The following SEC14L2 variants were observed in gnomAD, a reference collection of about 807,000 sequenced individuals.
The protein encoded by SEC14L2 is SEC14 like lipid binding 2.
In SEC14L2, 50 loss-of-function variants were observed where a neutral mutation model predicts 56.9. That is an observed-to-expected ratio of 0.88 (90% CI 0.70 to 1.11). The LOEUF is 1.11. Ranked by LOEUF, SEC14L2 falls within the 50% of genes most tolerant of loss-of-function variation. SEC14L2 has a pLI of 0.00. For missense variants in SEC14L2, 414 were observed against 500.7 expected (o/e 0.83, Z 1.65); for synonymous variants, 179 against 188.5 (o/e 0.95, Z 0.41).
At chr22:30,399,068 C>T (rs994805587) in intron 1 of SEC14L2, among the ~76,000 whole-genome samples, 4 of 152,136 alleles carry the variant, frequency 2.6e-5, no homozygotes, top group African/African-American at 4.8e-5. Flanking sequence ...TCTGCCTGCC[C>T]GCAGACTGGT....
chr22:30,410,838 T>G (rs1601780233), intron 8 of SEC14L2, among the ~76,000 whole-genome samples, 159 bp downstream of exon 8: 1 of 152,210 alleles, frequency 6.6e-6, no homozygotes, highest in East Asian at 1.9e-4. Flanking sequence ...TAGTGCCTTC[T>G]TCTGTTTTCC....
intron 8 of SEC14L2, among the ~76,000 whole-genome samples, chr22:30,413,397 A>C (rs1934304941): frequency 6.6e-6 from 1 of 152,164 alleles, no homozygotes; most frequent in South Asian, 2.1e-4. Context: ...GTTTTGCTGA[A>C]GTGGAGTGGA....
Position 30,415,471 on chromosome 22 carries a change from T to G in SEC14L2, c.665-288T>G, listed in dbSNP as rs533827378. 3.3e-5 allele frequency among the ~76,000 whole-genome samples: 5 copies of G among 152,196 alleles called. No individual in the cohort carries two copies. The East Asian group carries it at 9.7e-4, about 29-fold the overall frequency. ...TTCTCAAGTACTTAGTTCATTTCACTCCCACCATAACCAGGCAGGGCAAGA... is the reference window on the plus strand; with the variant it reads ...TTCTCAAGTACTTAGTTCATTTCACGCCCACCATAACCAGGCAGGGCAAGA... On this transcript the variant is annotated intron_variant, in intron 8 of 11. Transcript: ENST00000615189.
At chr22:30,404,013 AAAAAAAAAAAAAAAAAG>A (rs1158324946) in intron 2 of SEC14L2, among the ~76,000 whole-genome samples, 3 of 129,166 alleles carry the variant, frequency 2.3e-5, no homozygotes, top group Non-Finnish European at 4.9e-5. Context: ...CCGTCTCAAA[AAAAAAAAAAAAAAAAAG>A]AAAAAAAAAA....
At chr22:30,398,523 T>A (rs555462141) in intron 1 of SEC14L2, 2 of 364,696 alleles carry the variant, frequency 5.5e-6, no homozygotes, top group African/African-American at 4.2e-5. Flanking sequence ...GAGTGAGAGG[T>A]TGGAGGTAGG....
rs770995975 is a variant in SEC14L2 at position 30,422,338 on chromosome 22, G to A, written c.1143G>A (p.Val381=). The part of the protein sequence containing the change: ...FIHAKKVNFT[V]EVLLPDKASE... ...ATGCCAAGAAGGTCAATTTCACTGTGGAGGTCCTGCTTCCAGACAAAGCCT... is the reference window on the plus strand; with the variant it reads ...ATGCCAAGAAGGTCAATTTCACTGTAGAGGTCCTGCTTCCAGACAAAGCCT... The change falls in exon 12 of 12, where the codon GTG becomes GTA. Residue 381 remains valine, a synonymous_variant. Transcript: ENST00000615189. The A allele has an allele frequency of 6.2e-7, 1 of 1,614,192 alleles. No homozygotes were observed. Among genetic ancestry groups the A allele is most frequent in the Non-Finnish European group, 8.5e-7 (1 of 1,180,028 alleles).
chr22:30,400,078 T>TG (rs1386015402), intron 2 of SEC14L2, among the ~76,000 whole-genome samples: 1 of 152,306 alleles, frequency 6.6e-6, no homozygotes, highest in Admixed American at 6.5e-5. Context: ...CCCAGCCATG[T>TG]GGGGGGTCGG....
At chr22:30,404,592 T>G (rs1211293013) in intron 2 of SEC14L2, among the ~76,000 whole-genome samples, 1 of 152,144 alleles carries the variant, frequency 6.6e-6, no homozygotes, top group Non-Finnish European at 1.5e-5. Flanking sequence ...TGAATCTGGA[T>G]CTCAAAACTC....
At chr22:30,413,752 A>G (rs913501121) in intron 8 of SEC14L2, among the ~76,000 whole-genome samples, 4 of 151,826 alleles carry the variant, frequency 2.6e-5, no homozygotes, top group African/African-American at 7.3e-5. Context: ...AGGGAAGTGT[A>G]GGACTTCTGG....
intron 2 of SEC14L2, among the ~76,000 whole-genome samples, chr22:30,401,029 A>G (rs764209951): frequency 2.0e-4 from 29 of 147,918 alleles, no homozygotes; most frequent in Non-Finnish European, 3.7e-4. Context: ...TTGGCCTCCC[A>G]AAGTGTGGTA....
At chr22:30,421,515 C>T (rs926093475) in intron 11 of SEC14L2, 1 of 152,218 alleles carries the variant, frequency 6.6e-6, no homozygotes, top group Non-Finnish European at 1.5e-5. Flanking sequence ...TGGATTACAA[C>T]ATAAAATTGT....
intron 1 of SEC14L2, among the ~76,000 whole-genome samples, chr22:30,399,343 TG>T (rs1933852369): frequency 6.6e-6 from 1 of 151,758 alleles, no homozygotes; most frequent in South Asian, 2.1e-4. Context: ...GGTGAAACCC[TG>T]TCTCTACTAA....
Position 30,397,026 on chromosome 22 carries a change from T to G in SEC14L2, c.-91T>G. On this transcript the variant is annotated 5_prime_UTR_variant, in exon 1 of 12. Transcript: ENST00000615189. ...CCCGGGCAAAAGGCTGGGACTTTAC[T>G]CCGGGTGGCGGCGAGGACGAGTCTG... 5 of 1,213,954 alleles carry G rather than the reference T, an allele frequency of 4.1e-6. No homozygotes were observed. The highest frequency in any genetic ancestry group is 5.9e-6 in the Non-Finnish European group (5 of 849,622). 75.2% of individuals were successfully genotyped at this position (1,213,954 alleles called of 1,614,324 possible).
At chr22:30,410,429 T>C (rs1934217135) in intron 7 of SEC14L2, among the ~76,000 whole-genome samples, 167 bp from the exon 8 acceptor site, 1 of 152,238 alleles carries the variant, frequency 6.6e-6, no homozygotes. Flanking sequence ...ACCTCAAAGA[T>C]GCCCATGCTG....
chr22:30,403,087 A>G (rs922812159), intron 2 of SEC14L2, among the ~76,000 whole-genome samples: 5 of 152,188 alleles, frequency 3.3e-5, no homozygotes, highest in African/African-American at 1.2e-4. Context: ...AAAGAAAATA[A>G]AACAAAACAA....
intron 5 of SEC14L2, among the ~76,000 whole-genome samples, chr22:30,408,547 T>C (rs1265824466): frequency 2.0e-5 from 3 of 152,166 alleles, no homozygotes; most frequent in Non-Finnish European, 4.4e-5. Context: ...ATCGCACCAC[T>C]GCACTCCAGC....
rs113656560 is a variant in SEC14L2, at chr22:30,422,472, A to T, written c.*65A>T. On this transcript the variant is annotated 3_prime_UTR_variant, in exon 12 of 12. Transcript: ENST00000615189. The stretch of plus-strand genomic sequence containing the variant: ...CCTGTCAATTTCTACCCCTTGTAGC[A>T]GTCATTTTCGCACAACCCTGAAGCC... The T allele has an allele frequency of 6.3e-7, 1 of 1,596,172 alleles. No individual in the cohort carries two copies. Among genetic ancestry groups the T allele is most frequent in the African/African-American group, 1.3e-5 (1 of 74,414 alleles).
Position 30,425,019 on chromosome 22 carries a change from G to A in SEC14L2, c.*2612G>A. 5.6e-6 allele frequency: 2 copies of A among 357,348 alleles called. No homozygotes were observed. Among genetic ancestry groups the A allele is most frequent in the South Asian group, 4.2e-5 (2 of 48,030 alleles). 22.1% of individuals were successfully genotyped at this position (357,348 alleles called of 1,614,324 possible). On this transcript the variant is annotated 3_prime_UTR_variant, in exon 12 of 12. Coordinates refer to ENST00000615189, the MANE Select transcript of SEC14L2 (RefSeq NM_012429.5). ...TGCTGAGAAGGGACTCCAGAGTCCA[G>A]GCACCTACCTCCCAGGGGCTCACCG... is the stretch of plus-strand genomic sequence containing the variant.
intron 3 of SEC14L2, among the ~76,000 whole-genome samples, chr22:30,406,894 G>A (rs996468820): frequency 6.6e-6 from 1 of 152,314 alleles, no homozygotes; most frequent in South Asian, 2.1e-4. Context: ...TGGGATTACA[G>A]GTATGCACCA....
Sources: allele counts gnomAD v4.1 joint callset (sites outside exome capture counted in the v4.1 genomes callset), GRCh38; gene constraint gnomAD v4.1.1; transcripts MANE v1.5; gene names NCBI Gene and HGNC (gene_info 2026-07-23, HGNC 2026-07-21).